MYO5B: variants seen among roughly 807,000 people sequenced by gnomAD.
The protein encoded by MYO5B is myosin VB.
Under a neutral mutation model 229.3 loss-of-function variants are expected in MYO5B, and 143 were observed. The observed-to-expected ratio is 0.62, with a 90% CI of 0.54 to 0.72. The LOEUF is 0.72. Ranked by LOEUF, MYO5B falls within the 30% of genes least tolerant of loss-of-function variation. The probability of loss-of-function intolerance (pLI) is 0.00; values close to 1 mark genes in which losing one functional copy is unlikely to be tolerated. For synonymous variants in MYO5B, 918 were observed against 885.2 expected (o/e 1.04, Z -0.66); for missense variants, 2,321 against 2,331.0 (o/e 1.00, Z 0.09).
At chr18:50,080,819 C>A (rs1012316695) in intron 1 of MYO5B, among the ~76,000 whole-genome samples, 8 of 152,132 alleles carry the variant, frequency 5.3e-5, no homozygotes, top group Non-Finnish European at 2.9e-5. Context: ...AGGGGCACGG[C>A]CCTTCCATCC....
intron 7 of MYO5B, among the ~76,000 whole-genome samples, chr18:49,985,365 C>G (rs931790753): frequency 6.6e-6 from 1 of 152,156 alleles, no homozygotes; most frequent in Non-Finnish European, 1.5e-5. Context: ...GCTGTCATCC[C>G]CCAGCTTAAT....
intron 1 of MYO5B, among the ~76,000 whole-genome samples, chr18:50,081,404 G>A (rs1311198685): frequency 1.3e-5 from 2 of 152,146 alleles, no homozygotes; most frequent in African/African-American, 2.4e-5. Flanking sequence ...CTGAGGGCTC[G>A]GGATTCTTTC....
chr18:50,023,374 C>T (rs928770117), intron 4 of MYO5B, among the ~76,000 whole-genome samples: 8 of 152,116 alleles, frequency 5.3e-5, no homozygotes, highest in Admixed American at 6.5e-5. Context: ...AACCAAGCTG[C>T]GGCGTGACCA....
At chr18:50,051,960 A>G (rs2029913711) in intron 2 of MYO5B, among the ~76,000 whole-genome samples, 1 of 152,184 alleles carries the variant, frequency 6.6e-6, no homozygotes, top group Non-Finnish European at 1.5e-5. Context: ...TGATGGTTAC[A>G]CAATGTAAAT....
At chr18:49,914,934 C>T (rs1271420607) in intron 17 of MYO5B, among the ~76,000 whole-genome samples, 1 of 152,116 alleles carries the variant, frequency 6.6e-6, no homozygotes, top group Non-Finnish European at 1.5e-5. Flanking sequence ...AGCATTGCGG[C>T]CCTTGGGTTC....
intron 18 of MYO5B, among the ~76,000 whole-genome samples, chr18:49,908,754 G>A (rs1487039771): frequency 6.6e-6 from 1 of 152,218 alleles, no homozygotes; most frequent in Non-Finnish European, 1.5e-5. Flanking sequence ...TAATTCTGGA[G>A]AGTAGGGTCC....
At chr18:50,082,489 T>C (rs968253219) in intron 1 of MYO5B, among the ~76,000 whole-genome samples, 1 of 152,236 alleles carries the variant, frequency 6.6e-6, no homozygotes, top group Admixed American at 6.5e-5. Context: ...TTAAAACCAA[T>C]TCAGGTCTAG....
intron 1 of MYO5B, among the ~76,000 whole-genome samples, chr18:50,144,170 A>G (rs2032463497): frequency 6.6e-6 from 1 of 152,132 alleles, no homozygotes; most frequent in African/African-American, 2.4e-5. Context: ...AGGAAACCCA[A>G]ACAATCCCTT....
At chr18:49,838,882 T>C (rs2024022365) in intron 36 of MYO5B, among the ~76,000 whole-genome samples, 1 of 152,218 alleles carries the variant, frequency 6.6e-6, no homozygotes, top group Non-Finnish European at 1.5e-5. Context: ...TTATTATGTA[T>C]TAAAATTTGG....
chr18:50,157,542 C>T (rs949478449), intron 1 of MYO5B, among the ~76,000 whole-genome samples: 18 of 152,184 alleles, frequency 1.2e-4, no homozygotes, highest in Non-Finnish European at 2.2e-4. Flanking sequence ...GCCTCTGGGC[C>T]TTTGCATTGG....
chr18:49,841,252 G>A (rs1278829733), intron 35 of MYO5B, 113 bp downstream of exon 35: 1 of 973,932 alleles, frequency 1.0e-6, no homozygotes, highest in Non-Finnish European at 1.6e-6. Flanking sequence ...CACGGTCTGA[G>A]GTCCCCAAGG....
In MYO5B at chr18:49,864,282, G is replaced by A. The variant is rs1274357216; in HGVS notation, c.3702C>T (p.His1234=). The A allele has an allele frequency of 4.3e-6, 7 of 1,614,220 alleles. No homozygotes were observed. The East Asian group carries it at 6.7e-5, about 15-fold the overall frequency. Reference sequence around the variant, plus strand: ...GGAGGCTGTAGCTATCTGGGGAGCCGTGGCTGGAGTTATTCTGCGTGGCTT... The same window carrying A: ...GGAGGCTGTAGCTATCTGGGGAGCCATGGCTGGAGTTATTCTGCGTGGCTT... The part of the protein sequence containing the change: ...ADQATQNNSS[H]GSPDSYSLLL... Residue 1234 remains histidine (H), a synonymous_variant, in exon 28 of 40, where the codon CAC becomes CAT. Transcript: ENST00000285039.
chr18:49,932,606 T>C (rs551051981), intron 16 of MYO5B, among the ~76,000 whole-genome samples: 36 of 152,296 alleles, frequency 2.4e-4, no homozygotes, highest in African/African-American at 6.3e-4. Flanking sequence ...ATTTACTCAA[T>C]GAGAGCTCAA....
rs1264931644 is a variant in MYO5B, at chr18:50,146,804, C to T, written c.27+47963G>A. Among the ~76,000 whole-genome samples, 6 of 152,188 alleles carry T rather than the reference C, an allele frequency of 3.9e-5. No homozygotes were observed. The East Asian group carries it at 9.6e-4, about 24-fold the overall frequency. On this transcript the variant is annotated intron_variant, in intron 1 of 39. Coordinates refer to ENST00000285039, the MANE Select transcript of MYO5B (RefSeq NM_001080467.3). ...AATCCATTTGGGTAAAAATAAAAAA[C>T]TTACGTATTTAGCGTTGTGTAGACA...
chr18:50,121,009 G>A (rs1435410885), intron 1 of MYO5B, among the ~76,000 whole-genome samples: 1 of 152,242 alleles, frequency 6.6e-6, no homozygotes, highest in South Asian at 2.1e-4. Context: ...AGCAACTTAC[G>A]GCCAGTGCAG....
At chr18:50,021,553 T>A (rs753372207) in intron 4 of MYO5B, among the ~76,000 whole-genome samples, 43 of 152,048 alleles carry the variant, frequency 2.8e-4, no homozygotes, top group Non-Finnish European at 4.9e-4. Flanking sequence ...GGCAGTATAA[T>A]GTGAGTTACA....
At chr18:49,877,124 C>CGTGT (rs1568621977) in intron 25 of MYO5B, among the ~76,000 whole-genome samples, 10 of 151,880 alleles carry the variant, frequency 6.6e-5, no homozygotes, top group East Asian at 2.0e-4. Context: ...TCTGTGTGTA[C>CGTGT]GTGCGCGCAC....
intron 1 of MYO5B, among the ~76,000 whole-genome samples, chr18:50,072,186 A>T (rs2030972469): frequency 6.6e-6 from 1 of 152,216 alleles, no homozygotes; most frequent in South Asian, 2.1e-4. Flanking sequence ...GCCCAGGCAA[A>T]AAGTGATTAG....
intron 14 of MYO5B, among the ~76,000 whole-genome samples, chr18:49,940,827 A>T (rs1457832526): frequency 6.6e-6 from 1 of 152,240 alleles, no homozygotes; most frequent in Non-Finnish European, 1.5e-5. Context: ...CCACCTGCAC[A>T]TACGTACAAG....
Sources: allele counts gnomAD v4.1 joint callset (sites outside exome capture counted in the v4.1 genomes callset), GRCh38; gene constraint gnomAD v4.1.1; transcripts MANE v1.5; gene names NCBI Gene and HGNC (gene_info 2026-07-23, HGNC 2026-07-21).